LCP2: variants seen among roughly 807,000 people sequenced by gnomAD.
The protein encoded by LCP2 is lymphocyte cytosolic protein 2, also known as 76 kDa tyrosine phosphoprotein.
In LCP2, 29 loss-of-function variants were observed where a neutral mutation model predicts 74.5. The ratio of observed to expected loss-of-function variants is 0.39; its 90% confidence interval spans 0.29 to 0.53. The LOEUF is 0.53. LCP2 is among the 20% of genes least tolerant of loss of function. LCP2 has a pLI of 0.72. For missense variants in LCP2, 604 were observed against 634.6 expected, an observed-to-expected ratio of 0.95 and a Z score of 0.52; for synonymous variants, 228 against 229.5, an observed-to-expected ratio of 0.99 and a Z score of 0.06.
intron 7 of LCP2, among the ~76,000 whole-genome samples, chr5:170,268,825 A>C (rs1447377293): frequency 1.3e-5 from 2 of 152,280 alleles, no homozygotes; most frequent in African/African-American, 2.4e-5. Context: ...TGTAAGAAGT[A>C]AACATACGCA....
intron 20 of LCP2, among the ~76,000 whole-genome samples, chr5:170,250,300 AT>A (rs1761406134): frequency 6.6e-6 from 1 of 152,210 alleles, no homozygotes; most frequent in Non-Finnish European, 1.5e-5. Context: ...CCAAACCTCC[AT>A]TTTGTTAAGA....
chr5:170,293,330 TGTG>T lies in LCP2; in HGVS notation c.118_120del (p.His40del). On this transcript the variant is annotated inframe_deletion, in exon 2 of 21. Transcript: ENST00000046794. The stretch of plus-strand genomic sequence containing the variant: ...CTTACCAAGAAGCGAGCCCCATCGA[TGTG>T]GTACTTCTTCACTGCCTTCTCACAG... 1 of 1,607,842 alleles carries T rather than the reference TGTG, an allele frequency of 6.2e-7. No homozygotes were observed. Among genetic ancestry groups the T allele is most frequent in the Non-Finnish European group, 8.5e-7 (1 of 1,177,048 alleles).
intron 6 of LCP2, among the ~76,000 whole-genome samples, chr5:170,273,484 T>C (rs548891074): frequency 4.6e-5 from 7 of 152,362 alleles, no homozygotes; most frequent in Non-Finnish European, 1.0e-4. Flanking sequence ...TTCTGCCTTC[T>C]GAAGGCACTA....
intron 1 of LCP2, among the ~76,000 whole-genome samples, chr5:170,296,938 C>G (rs367909995): frequency 6.6e-6 from 1 of 152,182 alleles, no homozygotes; most frequent in Non-Finnish European, 1.5e-5. Context: ...CCCTTAGGGT[C>G]GTGAGCAGTG....
intron 2 of LCP2, among the ~76,000 whole-genome samples, chr5:170,289,658 T>C (rs537813775): frequency 6.9e-5 from 8 of 115,842 alleles, no homozygotes; most frequent in African/African-American, 2.8e-4. Flanking sequence ...TCTTTCTTTC[T>C]TTCTTTCTTT....
chr5:170,260,048 G>C (rs1024219522), intron 14 of LCP2, among the ~76,000 whole-genome samples: 9 of 152,150 alleles, frequency 5.9e-5, no homozygotes, highest in African/African-American at 9.7e-5. Flanking sequence ...CGTGGGCACT[G>C]GTATCCACCT....
At chr5:170,262,575 C>G in intron 13 of LCP2, 60 bp downstream of exon 13, 1 of 1,315,226 alleles carries the variant, frequency 7.6e-7, no homozygotes. Flanking sequence ...AGAGTCAGCA[C>G]AGGGCAGCCT....
At chr5:170,294,676 A>G (rs1156320954) in intron 1 of LCP2, among the ~76,000 whole-genome samples, 2 of 152,186 alleles carry the variant, frequency 1.3e-5, no homozygotes, top group African/African-American at 4.8e-5. Flanking sequence ...TGATTATCAC[A>G]CTCAGAAAGC....
At chr5:170,296,868 G>C (rs1281202360) in intron 1 of LCP2, among the ~76,000 whole-genome samples, 1 of 152,174 alleles carries the variant, frequency 6.6e-6, no homozygotes, top group Non-Finnish European at 1.5e-5. Context: ...TTTCTGTCCT[G>C]CTTCACAAGA....
intron 3 of LCP2, among the ~76,000 whole-genome samples, chr5:170,282,093 G>A (rs1762115196): frequency 1.3e-5 from 2 of 152,146 alleles, no homozygotes; most frequent in South Asian, 2.1e-4. Context: ...TGTTGCAGGT[G>A]TCTTGGGATC....
At position 170,262,541 on chromosome 5, in the gene LCP2, C is replaced by A; in HGVS notation, c.926+94G>T. 11 of 886,814 alleles carry A rather than the reference C, an allele frequency of 1.2e-5. No individual in the cohort carries two copies. The South Asian group carries it at 1.8e-4, about 15-fold the overall frequency. 54.9% of individuals were successfully genotyped at this position (886,814 alleles called of 1,614,324 possible). A position where few individuals can be genotyped will look rare whatever the true frequency, so the allele number is the denominator to read the frequency against. On this transcript the variant is annotated intron_variant, in intron 13 of 20. Transcript: ENST00000046794. ...AAAAGGCCCACCCTGCCCGGGAGCA[C>A]CGAGGAGCCTCGGTTCCCACTGCAG... is the stretch of plus-strand genomic sequence containing the variant.
intron 2 of LCP2, among the ~76,000 whole-genome samples, chr5:170,290,612 T>C (rs1386354215): frequency 6.6e-6 from 1 of 152,116 alleles, no homozygotes; most frequent in African/African-American, 2.4e-5. Context: ...AAAGGTGGAG[T>C]AGCCAACTGA....
At position 170,295,859 on chromosome 5, in the gene LCP2, A is replaced by T. The variant is rs55714952; in HGVS notation, c.78+1675T>A. ...GAAGGAACCTGCCTGGGTGCTGTAGATTTGTCCTGGGGTCTGAGATCTCCA... is the reference window on the plus strand; with the variant it reads ...GAAGGAACCTGCCTGGGTGCTGTAGTTTTGTCCTGGGGTCTGAGATCTCCA... On this transcript the variant is annotated intron_variant, in intron 1 of 20. Transcript: ENST00000046794. 2.3e-3 allele frequency among the ~76,000 whole-genome samples: 349 copies of T among 152,226 alleles called. 2 individuals are homozygous for T. The highest frequency in any genetic ancestry group is 7.9e-3 in the African/African-American group (326 of 41,520).
chr5:170,260,196 C>T (rs1761627014), intron 14 of LCP2, among the ~76,000 whole-genome samples: 1 of 152,202 alleles, frequency 6.6e-6, no homozygotes, highest in Non-Finnish European at 1.5e-5. Flanking sequence ...AGCCACATGG[C>T]ACACTTTCTT....
chr5:170,246,840 AG>A lies in LCP2; in HGVS notation c.*1856del, dbSNP rs532425836. 178 of 152,366 alleles carry A rather than the reference AG, an allele frequency of 1.2e-3. No homozygotes were observed. The highest frequency in any genetic ancestry group is 3.9e-3 in the African/African-American group (162 of 41,576). The allele number at this position is 152,366 out of a possible 1,614,324, so 9.4% of individuals were successfully genotyped here. ...CCAAAAGAGGCAAGGCCCAGCCAAA[AG>A]GAGTTGTCGGTGCTTGAACAGAGAG... On this transcript the variant is annotated 3_prime_UTR_variant, in exon 21 of 21. Coordinates refer to ENST00000046794, the MANE Select transcript of LCP2 (RefSeq NM_005565.5).
At chr5:170,269,459 C>T (rs1303300661) in intron 7 of LCP2, among the ~76,000 whole-genome samples, 6 of 152,256 alleles carry the variant, frequency 3.9e-5, no homozygotes, top group African/African-American at 1.2e-4. Context: ...CACCCTGCTC[C>T]ACCCGCACTG....
In LCP2 at chr5:170,256,712, G is replaced by A; in HGVS notation, c.1101-137C>T. On this transcript the variant is annotated intron_variant, in intron 16 of 20. Coordinates refer to ENST00000046794, the MANE Select transcript of LCP2 (RefSeq NM_005565.5). The surrounding 1 kb of genome is among the most constrained non-coding windows in gnomAD (Gnocchi z 4.5). Reference sequence around the variant, plus strand: ...TCCCTGCTGCCCCCAAAACCATGGGGGCTGGGCACAGGGACAGAACACAGC... The same window carrying A: ...TCCCTGCTGCCCCCAAAACCATGGGAGCTGGGCACAGGGACAGAACACAGC... 1.4e-6 allele frequency: 1 copy of A among 690,064 alleles called. No individual in the cohort carries two copies. The highest frequency in any genetic ancestry group is 2.7e-6 in the Non-Finnish European group (1 of 376,602). The allele number at this position is 690,064 out of a possible 1,614,324, so 42.7% of individuals were successfully genotyped here.
chr5:170,286,712 C>T (rs1262930117), intron 3 of LCP2, among the ~76,000 whole-genome samples: 1 of 152,142 alleles, frequency 6.6e-6, no homozygotes, highest in East Asian at 1.9e-4. Context: ...CTCTCTTTTC[C>T]CTCCCCCTTC....
At chr5:170,249,260 G>A (rs1761370077) in intron 20 of LCP2, among the ~76,000 whole-genome samples, 1 of 151,874 alleles carries the variant, frequency 6.6e-6, no homozygotes, top group African/African-American at 2.4e-5. Context: ...GGGAGGCAGA[G>A]GTTGCAGTGA....
Sources: gnomAD v4.1 joint callset for allele counts (sites outside exome capture counted in the v4.1 genomes callset) on GRCh38, gnomAD v4.1.1 for gene constraint, Gnocchi (gnomAD v3.1) non-coding constraint, MANE v1.5 for transcripts, NCBI Gene and HGNC (gene_info 2026-07-23, HGNC 2026-07-21) for gene names.